The following MYLK variants were observed in gnomAD, a reference collection of about 807,000 sequenced individuals.
MYLK encodes the protein myosin light chain kinase.
A neutral mutation model predicts 203.4 loss-of-function variants in MYLK; 106 were observed. The observed-to-expected ratio is 0.52, with a 90% CI of 0.45 to 0.61. The LOEUF is 0.61. MYLK is among the 20% of genes least tolerant of loss of function. The pLI is 0.00. For missense variants in MYLK, 2,072 were observed against 2,442.3 expected, an observed-to-expected ratio of 0.85 and a Z score of 3.20; for synonymous variants, 867 against 959.5, an observed-to-expected ratio of 0.90 and a Z score of 1.78.
At position 123,842,821 on chromosome 3, in the gene MYLK, A is replaced by G. The variant is rs145972913; in HGVS notation, c.-126-11151T>C. Reference sequence around the variant, plus strand: ...TAGGGGATACATTAATGAACAAAGCAAAATAGACAAAGATCTCTCCTTTGA... The same window carrying G: ...TAGGGGATACATTAATGAACAAAGCGAAATAGACAAAGATCTCTCCTTTGA... On this transcript the variant is annotated intron_variant, in intron 2 of 33. Transcript: ENST00000360304. Among the ~76,000 whole-genome samples, 1,237 of 152,354 alleles carry G rather than the reference A, an allele frequency of 8.1e-3. 16 individuals carry two copies. Among genetic ancestry groups the G allele is most frequent in the South Asian group, 0.061 (294 of 4,828 alleles).
chr3:123,688,980 G>A (rs1446365801), intron 19 of MYLK, among the ~76,000 whole-genome samples: 1 of 152,174 alleles, frequency 6.6e-6, no homozygotes, highest in East Asian at 1.9e-4. Flanking sequence ...CCCAAAAGCT[G>A]GAACTTTTCC....
At chr3:123,674,583 T>C (rs1445789290) in intron 20 of MYLK, among the ~76,000 whole-genome samples, 1 of 152,228 alleles carries the variant, frequency 6.6e-6, no homozygotes, top group African/African-American at 2.4e-5. Context: ...AAATTTAGCC[T>C]ACATTATGAT....
At chr3:123,816,029 G>A (rs2065738089) in intron 3 of MYLK, among the ~76,000 whole-genome samples, 1 of 152,174 alleles carries the variant, frequency 6.6e-6, no homozygotes, top group Non-Finnish European at 1.5e-5. Flanking sequence ...AGCAGGACCT[G>A]GGTTTGTACA....
In MYLK at chr3:123,649,191, G is replaced by A. The variant is rs746690413; in HGVS notation, c.4292C>T (p.Pro1431Leu). ...LTTVGEKPEE[P>L]KDEVEVSDDD... ...ATCTGACACCTCCACTTCATCCTTCGGCTCTGGGGGGGGCACAAGGAAGGA... is the reference window on the plus strand; with the variant it reads ...ATCTGACACCTCCACTTCATCCTTCAGCTCTGGGGGGGGCACAAGGAAGGA... Residue 1431 changes from proline (P) to leucine (L), a missense_variant, in exon 25 of 34, where the codon CCG becomes CTG. Coordinates refer to ENST00000360304, the MANE Select transcript of MYLK (RefSeq NM_053025.4). 4.2e-5 allele frequency: 67 copies of A among 1,611,944 alleles called. No individual in the cohort carries two copies. Among genetic ancestry groups the A allele is most frequent in the Middle Eastern group, 4.1e-4 (2 of 4,874 alleles).
At chr3:123,667,451 A>G (rs1453405259) in intron 20 of MYLK, among the ~76,000 whole-genome samples, 2 of 151,986 alleles carry the variant, frequency 1.3e-5, no homozygotes, top group Admixed American at 6.5e-5. Flanking sequence ...AAAATACAAA[A>G]AAATTAGCTG....
In MYLK at chr3:123,848,254, G is replaced by GAA. The variant is rs11409032; in HGVS notation, c.-126-16586_-126-16585dup. ...AAATATTATTTGTGGGTCTTATTTTGAAAAAAAAAAAGCCTTACTAGGGTT... is the reference window on the plus strand; with the variant it reads ...AAATATTATTTGTGGGTCTTATTTTGAAAAAAAAAAAAAGCCTTACTAGGGTT... On this transcript the variant is annotated intron_variant, in intron 2 of 33. Coordinates refer to ENST00000360304, the MANE Select transcript of MYLK (RefSeq NM_053025.4). Among the ~76,000 whole-genome samples, 420 of 144,930 alleles carry GAA rather than the reference G, an allele frequency of 2.9e-3. 3 individuals carry two copies. Among genetic ancestry groups the GAA allele is most frequent in the African/African-American group, 5.8e-3 (229 of 39,724 alleles).
At position 123,856,057 on chromosome 3, in the gene MYLK, C is replaced by T. The variant is rs139361256; in HGVS notation, c.-127+20502G>A. ...AACTGCAAGTCTATTCTTTCCAGAACAGAACTTGGTACACTGGGGCCTGGG... is the reference window on the plus strand; with the variant it reads ...AACTGCAAGTCTATTCTTTCCAGAATAGAACTTGGTACACTGGGGCCTGGG... On this transcript the variant is annotated intron_variant, in intron 2 of 33. Transcript: ENST00000360304. Among the ~76,000 whole-genome samples the T allele has an allele frequency of 4.3e-3, 659 of 152,284 alleles. 22 individuals are homozygous for T. The South Asian group carries it at 0.08, about 19-fold the overall frequency.
intron 2 of MYLK, among the ~76,000 whole-genome samples, chr3:123,853,065 G>T (rs547922374): frequency 2.0e-4 from 31 of 151,940 alleles, no homozygotes; most frequent in African/African-American, 7.3e-4. Context: ...TGTCAAAAAA[G>T]CTCCTAAGAA....
chr3:123,787,609 C>T (rs145347345), intron 4 of MYLK, among the ~76,000 whole-genome samples: 10 of 152,214 alleles, frequency 6.6e-5, no homozygotes, highest in Admixed American at 2.6e-4. Flanking sequence ...CAGTGTCATG[C>T]GGCAGGAAGA....
At chr3:123,681,016 A>G (rs1464109371) in intron 20 of MYLK, 1 of 152,182 alleles carries the variant, frequency 6.6e-6, no homozygotes, top group Non-Finnish European at 1.5e-5. Context: ...CTCCACCAAA[A>G]AAAAGTAAAT....
intron 2 of MYLK, among the ~76,000 whole-genome samples, chr3:123,875,063 A>G (rs1027505412): frequency 6.6e-6 from 1 of 152,174 alleles, no homozygotes; most frequent in Non-Finnish European, 1.5e-5. Flanking sequence ...ACTTTGGAAA[A>G]CAGTTTGGTA....
intron 29 of MYLK, among the ~76,000 whole-genome samples, chr3:123,633,778 CAGA>C (rs1465125381): frequency 6.6e-6 from 1 of 152,160 alleles, no homozygotes; most frequent in African/African-American, 2.4e-5. Flanking sequence ...GCTGTGGGGG[CAGA>C]AGGTTAGGAG....
intron 2 of MYLK, among the ~76,000 whole-genome samples, chr3:123,867,785 T>C (rs1405100534): frequency 6.6e-6 from 1 of 152,176 alleles, no homozygotes; most frequent in East Asian, 1.9e-4. Flanking sequence ...CTCTCCTACA[T>C]AAAAAGTCTG....
At chr3:123,772,970 A>G (rs1005338712) in intron 4 of MYLK, among the ~76,000 whole-genome samples, 2 of 152,168 alleles carry the variant, frequency 1.3e-5, no homozygotes, top group South Asian at 2.1e-4. Flanking sequence ...ATTTTTAACA[A>G]TTTGGAAATA....
chr3:123,673,122 A>G (rs1209379448), intron 20 of MYLK, among the ~76,000 whole-genome samples: 1 of 151,918 alleles, frequency 6.6e-6, no homozygotes, highest in Non-Finnish European at 1.5e-5. Flanking sequence ...ATTGTAAGGG[A>G]AGTATAGCAT....
In MYLK at chr3:123,650,825, A is replaced by G. The variant is rs180893731; in HGVS notation, c.4289-1631T>C. Among the ~76,000 whole-genome samples the G allele has an allele frequency of 1.0e-3, 156 of 152,374 alleles. 1 individual carries two copies. The highest frequency in any genetic ancestry group is 3.4e-3 in the Middle Eastern group (1 of 294). On this transcript the variant is annotated intron_variant, in intron 24 of 33. Transcript: ENST00000360304. ...GAAGCCAGGAATGGAGTTAGTGTTC[A>G]GGAGAATCTGATCATTCTACCTTTT...
At chr3:123,720,163 C>A (rs1453725382) in intron 13 of MYLK, among the ~76,000 whole-genome samples, 1 of 152,200 alleles carries the variant, frequency 6.6e-6, no homozygotes, top group Non-Finnish European at 1.5e-5. Flanking sequence ...ATCCAAACTT[C>A]CTTGGCAGAG....
intron 29 of MYLK, among the ~76,000 whole-genome samples, chr3:123,637,643 T>G (rs1474268237): frequency 2.6e-5 from 4 of 152,196 alleles, no homozygotes; most frequent in African/African-American, 7.2e-5. Context: ...TCCCCGTGCC[T>G]TGGGGATGGA....
chr3:123,832,773 T>G (rs1365297120), intron 2 of MYLK, among the ~76,000 whole-genome samples: 1 of 152,170 alleles, frequency 6.6e-6, no homozygotes, highest in African/African-American at 2.4e-5. Flanking sequence ...AATCTGCTGG[T>G]GTCTTGATCT....
Sources: allele counts gnomAD v4.1 joint callset (sites outside exome capture counted in the v4.1 genomes callset), GRCh38; gene constraint gnomAD v4.1.1; transcripts MANE v1.5; gene names NCBI Gene and HGNC (gene_info 2026-07-23, HGNC 2026-07-21).